PAH: variants seen among roughly 807,000 people sequenced by gnomAD.
The protein encoded by PAH is phenylalanine hydroxylase.
Under a neutral mutation model 62.0 loss-of-function variants are expected in PAH, and 64 were observed. The ratio of observed to expected loss-of-function variants is 1.03; its 90% CI spans 0.84 to 1.27. The LOEUF is 1.27. Ranked by LOEUF, PAH falls within the 50% of genes most tolerant of loss-of-function variation. The pLI is 0.00. For missense variants in PAH, 579 were observed against 542.8 expected (o/e 1.07, Z -0.66); for synonymous variants, 195 against 196.2 (o/e 0.99, Z 0.05).
chr12:102,922,823 C>G (rs985254351), intron 1 of PAH, among the ~76,000 whole-genome samples: 1 of 151,930 alleles, frequency 6.6e-6, no homozygotes, highest in Non-Finnish European at 1.5e-5. Context: ...GACAAATTAC[C>G]CTTTAGAGGA....
At chr12:102,841,606 T>G (rs570524958) in intron 11 of PAH, among the ~76,000 whole-genome samples, 27 of 152,310 alleles carry the variant, frequency 1.8e-4, no homozygotes, top group African/African-American at 5.8e-4. Context: ...CCTATGAGTG[T>G]TAGTTGCTAT....
In PAH at chr12:102,888,369, A is replaced by T. The variant is rs145131938; in HGVS notation, c.352+6366T>A. 2.9e-3 allele frequency among the ~76,000 whole-genome samples: 440 copies of T among 151,948 alleles called. 5 individuals are homozygous for T. In the South Asian group the frequency reaches 0.046, roughly 16 times the overall value. ...TAATATTGAAAACAAGAATAATACT[A>T]TGTTTGCTTTAGCTGCCTGAGTTGG... On this transcript the variant is annotated intron_variant, in intron 3 of 12. Transcript: ENST00000553106.
At chr12:102,893,961 C>G (rs1877386477) in intron 3 of PAH, among the ~76,000 whole-genome samples, 1 of 152,210 alleles carries the variant, frequency 6.6e-6, no homozygotes, top group East Asian at 1.9e-4. Flanking sequence ...GAAGAAGAGA[C>G]AGATAAGAAG....
intron 1 of PAH, chr12:102,913,985 G>T: frequency 3.2e-6 from 2 of 628,938 alleles, no homozygotes; most frequent in Non-Finnish European, 5.7e-6. Context: ...GCAAGTTAAT[G>T]AAATTAATGG....
At chr12:102,885,756 G>A (rs1203810342) in intron 3 of PAH, among the ~76,000 whole-genome samples, 1 of 152,162 alleles carries the variant, frequency 6.6e-6, no homozygotes, top group African/African-American at 2.4e-5. Flanking sequence ...GCAGTTCAAG[G>A]TGCAGGCTGA....
Position 102,926,284 on chromosome 12 carries a change from C to T in PAH, c.-95-9059G>A, listed in dbSNP as rs147847440. The stretch of plus-strand genomic sequence containing the variant: ...AACAAGGTAATGTTTGAGCTGAGAA[C>T]TGAATTATGGAAAGGCTCCAAATGC... On this transcript the variant is annotated intron_variant, in intron 1 of 3. Coordinates refer to the PAH transcript ENST00000546844. Among the ~76,000 whole-genome samples the T allele has an allele frequency of 1.6e-3, 243 of 152,018 alleles. 2 individuals are homozygous for T. Among genetic ancestry groups the T allele is most frequent in the Non-Finnish European group, 2.9e-3 (198 of 67,936 alleles).
At chr12:102,862,993 C>T (rs1268637025) in intron 5 of PAH, among the ~76,000 whole-genome samples, 3 of 151,578 alleles carry the variant, frequency 2.0e-5, no homozygotes, top group African/African-American at 4.8e-5. Flanking sequence ...GCGCCATTAT[C>T]GAGACTAAGC....
chr12:102,852,725 A>G, intron 7 of PAH, 90 bp downstream of exon 7: 1 of 1,516,860 alleles, frequency 6.6e-7, no homozygotes, highest in Non-Finnish European at 9.2e-7. Context: ...CCTGTGGACC[A>G]GCCAGCAATG....
At chr12:102,954,332 T>C (rs79289134), upstream of PAH, among the ~76,000 whole-genome samples, 933 of 152,332 alleles carry the variant, frequency 6.1e-3, 13 homozygotes, top group African/African-American at 0.021. Flanking sequence ...TGGATCTCCA[T>C]TGGCTGGAGT....
intron 2 of PAH, among the ~76,000 whole-genome samples, chr12:102,904,164 A>G (rs1449484450): frequency 2.0e-5 from 3 of 152,164 alleles, no homozygotes; most frequent in Non-Finnish European, 4.4e-5. Flanking sequence ...AATTTTTAGA[A>G]TGAGGAAACC....
At chr12:102,894,569 C>T (rs1286818208) in intron 3 of PAH, among the ~76,000 whole-genome samples, 166 bp downstream of exon 3, 1 of 152,022 alleles carries the variant, frequency 6.6e-6, no homozygotes, top group African/African-American at 2.4e-5. Flanking sequence ...AACAGTCTTC[C>T]AAGGCATTAT....
intron 5 of PAH, among the ~76,000 whole-genome samples, chr12:102,857,920 C>T (rs550983391): frequency 0.012 from 1,826 of 152,272 alleles, 22 homozygotes; most frequent in Non-Finnish European, 0.02. Flanking sequence ...CATCAACTAA[C>T]GAGCAAAATA....
chr12:102,845,132 G>A (rs1045806998), intron 9 of PAH, among the ~76,000 whole-genome samples: 4 of 152,186 alleles, frequency 2.6e-5, no homozygotes, highest in African/African-American at 9.6e-5. Context: ...GCCTGTGCAG[G>A]TTTGTTCTCT....
chr12:102,860,646 A>G (rs1416839114), intron 5 of PAH, among the ~76,000 whole-genome samples: 2 of 152,216 alleles, frequency 1.3e-5, no homozygotes, highest in East Asian at 1.9e-4. Flanking sequence ...GTATACACCA[A>G]TGGAACAAAA....
At chr12:102,955,241 T>C (rs766850773), upstream of PAH, among the ~76,000 whole-genome samples, 1 of 152,224 alleles carries the variant, frequency 6.6e-6, no homozygotes, top group Non-Finnish European at 1.5e-5. Context: ...TCCCTGGTAT[T>C]GAGATCTCTG....
Position 102,844,419 on chromosome 12 carries a change from T to C in PAH, c.982A>G (p.Thr328Ala), listed in dbSNP as rs199475616. The C allele has an allele frequency of 1.2e-6, 2 of 1,611,834 alleles. No individual in the cohort carries two copies. Among genetic ancestry groups the C allele is most frequent in the Non-Finnish European group, 1.7e-6 (2 of 1,178,070 alleles). Reference protein sequence around the residue: ...IEKLATIYWFTVEFGLCKQGD... With the variant: ...IEKLATIYWFAVEFGLCKQGD... ...TGTTTGCAGAGCCCAAACTCCACAG[T>C]AAACCAGTAAATCTGGAATGGAAAG... Residue 328 changes from threonine (T) to alanine (A), a missense_variant, in exon 10 of 13, where the codon ACT becomes GCT. Physicochemically the swap from Thr to Ala is moderately conservative, Grantham distance 58. Coordinates refer to ENST00000553106, the MANE Select transcript of PAH (RefSeq NM_000277.3).
intron 1 of PAH, among the ~76,000 whole-genome samples, chr12:102,923,278 C>T (rs976113768): frequency 7.9e-5 from 12 of 152,212 alleles, no homozygotes; most frequent in African/African-American, 2.4e-4. Context: ...CTCAGCTCCT[C>T]CTTCACACAC....
At chr12:102,910,492 T>C (rs903941105) in intron 2 of PAH, among the ~76,000 whole-genome samples, 25 of 151,736 alleles carry the variant, frequency 1.6e-4, no homozygotes, top group African/African-American at 6.1e-4. Flanking sequence ...TGCCTTGGCC[T>C]CCCAAATAGG....
At chr12:102,900,318 G>C (rs112913764) in intron 2 of PAH, among the ~76,000 whole-genome samples, 1 of 151,782 alleles carries the variant, frequency 6.6e-6, no homozygotes, top group African/African-American at 2.4e-5. Flanking sequence ...CAAAGTGCCG[G>C]GATTACAGGC....
Sources: gnomAD v4.1 joint callset for allele counts (sites outside exome capture counted in the v4.1 genomes callset) on GRCh38, gnomAD v4.1.1 for gene constraint, MANE v1.5 for transcripts, NCBI Gene and HGNC (gene_info 2026-07-23, HGNC 2026-07-21) for gene names.